The following EVC2 variants were observed in gnomAD, a reference collection of about 807,000 sequenced individuals.
EVC2 encodes the protein limbin.
A neutral mutation model predicts 149.3 loss-of-function variants in EVC2; 148 were observed. The ratio of observed to expected loss-of-function variants is 0.99; its 90% confidence interval spans 0.87 to 1.14. The LOEUF (loss-of-function observed/expected upper bound fraction) is 1.14. EVC2 is among the 50% of genes most tolerant of loss of function. EVC2 has a pLI of 0.00. For synonymous variants in EVC2, 776 were observed against 649.9 expected, an observed-to-expected ratio of 1.19 and a Z score of -2.95; for missense variants, 1,854 against 1,627.3, an observed-to-expected ratio of 1.14 and a Z score of -2.40.
intron 16 of EVC2, among the ~76,000 whole-genome samples, chr4:5,612,565 T>C (rs1447760895): frequency 3.3e-5 from 5 of 152,088 alleles, no homozygotes. Flanking sequence ...GTAGGGAGCC[T>C]GCTGCATGTA....
At chr4:5,665,678 A>G in intron 7 of EVC2, 29 bp from the exon 8 acceptor site, 1 of 1,612,558 alleles carries the variant, frequency 6.2e-7, no homozygotes, top group Non-Finnish European at 8.5e-7. Flanking sequence ...AGCAGGATTC[A>G]TGTGTGGTCA....
At chr4:5,577,375 C>T (rs761043854) in intron 17 of EVC2, among the ~76,000 whole-genome samples, 1 of 152,106 alleles carries the variant, frequency 6.6e-6, no homozygotes, top group East Asian at 1.9e-4. Flanking sequence ...GGGTTGTGGG[C>T]GGAGGCAGGA....
In EVC2 at chr4:5,640,160, T is replaced by C. The variant is rs1341925827; in HGVS notation, c.1470+354A>G. On this transcript the variant is annotated intron_variant, in intron 10 of 21. Coordinates refer to ENST00000344408, the MANE Select transcript of EVC2 (RefSeq NM_147127.5). The surrounding 1 kb of genome is among the most constrained non-coding windows in gnomAD (Gnocchi z 4.6). ...ATTGTTGGATGGGTGATGGGTGGCA[T>C]GGATGGGAGGGTGGATAAATGAGTA... 6.6e-6 allele frequency among the ~76,000 whole-genome samples: 1 copy of C among 151,644 alleles called. No homozygotes were observed. The highest frequency in any genetic ancestry group is 1.5e-5 in the Non-Finnish European group (1 of 67,882).
chr4:5,596,145 C>T (rs1298799487), intron 16 of EVC2, among the ~76,000 whole-genome samples: 3 of 152,166 alleles, frequency 2.0e-5, no homozygotes, highest in African/African-American at 7.2e-5. Flanking sequence ...CCACTGTCAA[C>T]ATTAGACATA....
chr4:5,683,380 GCT>G (rs1406562102), intron 6 of EVC2, among the ~76,000 whole-genome samples: 1 of 152,174 alleles, frequency 6.6e-6, no homozygotes, highest in Non-Finnish European at 1.5e-5. Flanking sequence ...CTTGTCTTCA[GCT>G]CTTTGTGAAA....
At chr4:5,680,898 CCA>C (rs34280523) in intron 7 of EVC2, among the ~76,000 whole-genome samples, 20,921 of 152,160 alleles carry the variant, frequency 0.14, 1,707 homozygotes, top group African/African-American at 0.23. Context: ...GAGACCCGCC[CCA>C]CAGACTGCAG....
chr4:5,671,580 C>T lies in EVC2; in HGVS notation c.871-5931G>A, dbSNP rs1248879562. Among the ~76,000 whole-genome samples the T allele has an allele frequency of 4.6e-5, 7 of 152,196 alleles. No individual in the cohort carries two copies. The South Asian group carries it at 1.5e-3, about 32-fold the overall frequency. ...AGGCTGGAGTGCAATGGCACAATCT[C>T]GGCTCACTGCAACCTCCACCTCCTG... On this transcript the variant is annotated intron_variant, in intron 7 of 21. Coordinates refer to ENST00000344408, the MANE Select transcript of EVC2 (RefSeq NM_147127.5).
Position 5,622,831 on chromosome 4 carries a change from A to T in EVC2, c.2207T>A (p.Leu736His). 6.2e-7 allele frequency: 1 copy of T among 1,613,966 alleles called. No individual in the cohort carries two copies. The highest frequency in any genetic ancestry group is 1.1e-5 in the South Asian group (1 of 91,058). Residue 736 changes from leucine (L) to histidine (H), a missense_variant, in exon 14 of 22, where the codon CTC becomes CAC. By Grantham distance (99) the Leu-to-His change is moderately conservative (BLOSUM62 -3). Coordinates refer to ENST00000344408, the MANE Select transcript of EVC2 (RefSeq NM_147127.5). The surrounding 1 kb of genome is among the most constrained non-coding windows in gnomAD (Gnocchi z 5.8). The stretch of plus-strand genomic sequence containing the variant: ...AAACAGCGAAAGGGTCAGGGTCCTG[A>T]GATCGTCCAGGGCGGCCTGGTCCAG... ...ERLDQAALDD[L>H]RTLTLSLFEK... is the part of the protein sequence containing the mutation.
At chr4:5,634,271 C>G (rs760570726) in intron 10 of EVC2, among the ~76,000 whole-genome samples, 2 of 152,208 alleles carry the variant, frequency 1.3e-5, no homozygotes, top group African/African-American at 2.4e-5. Context: ...TCACAGCTGA[C>G]TTGATCTAAA....
At chr4:5,699,705 C>T (rs1271932270) in intron 1 of EVC2, among the ~76,000 whole-genome samples, 1 of 151,756 alleles carries the variant, frequency 6.6e-6, no homozygotes, top group African/African-American at 2.4e-5. Flanking sequence ...CCTATACTCC[C>T]AGCTACTTGG....
At chr4:5,694,025 G>C (rs893186845) in intron 3 of EVC2, among the ~76,000 whole-genome samples, 3 of 152,216 alleles carry the variant, frequency 2.0e-5, no homozygotes, top group African/African-American at 4.8e-5. Context: ...TATGGGCACA[G>C]TCATCTTTAA....
intron 16 of EVC2, among the ~76,000 whole-genome samples, chr4:5,585,179 C>T (rs766186494): frequency 1.4e-4 from 21 of 152,084 alleles, no homozygotes; most frequent in Non-Finnish European, 2.8e-4. Context: ...AGCATGGGAT[C>T]CAAGGAGCTC....
chr4:5,577,035 C>T (rs190194417), intron 17 of EVC2, among the ~76,000 whole-genome samples: 3 of 152,356 alleles, frequency 2.0e-5, no homozygotes, highest in Non-Finnish European at 4.4e-5. Flanking sequence ...CTAACACCAC[C>T]AGTACCATCA....
intron 9 of EVC2, among the ~76,000 whole-genome samples, chr4:5,650,617 A>G (rs1353203940): frequency 6.9e-5 from 4 of 58,058 alleles, no homozygotes; most frequent in East Asian, 1.3e-3. Flanking sequence ...ATATATATAT[A>G]TATATATATA....
At chr4:5,700,622 T>G (rs992633834) in intron 1 of EVC2, among the ~76,000 whole-genome samples, 1 of 152,126 alleles carries the variant, frequency 6.6e-6, no homozygotes, top group Non-Finnish European at 1.5e-5. Flanking sequence ...CCCAGGGCAG[T>G]CTCGCTGGTT....
At chr4:5,693,996 G>A (rs999926151) in intron 3 of EVC2, among the ~76,000 whole-genome samples, 4 of 152,198 alleles carry the variant, frequency 2.6e-5, no homozygotes, top group Non-Finnish European at 4.4e-5. Flanking sequence ...GTAAATGCTT[G>A]TGAAATGTTC....
intron 7 of EVC2, among the ~76,000 whole-genome samples, chr4:5,681,018 A>T (rs1194881940): frequency 6.6e-6 from 1 of 152,188 alleles, no homozygotes. Flanking sequence ...CGGGCTGTGG[A>T]GCCTCAGCCT....
At chr4:5,602,699 G>A (rs1003602661) in intron 16 of EVC2, among the ~76,000 whole-genome samples, 1 of 152,168 alleles carries the variant, frequency 6.6e-6, no homozygotes, top group African/African-American at 2.4e-5. Context: ...TATAATCATA[G>A]AAGCCATAAA....
intron 16 of EVC2, among the ~76,000 whole-genome samples, chr4:5,608,712 T>C (rs1714591366): frequency 6.6e-6 from 1 of 152,070 alleles, no homozygotes; most frequent in African/African-American, 2.4e-5. Context: ...TTTTTTGTAT[T>C]TTTAGTAGAG....
Sources: allele counts gnomAD v4.1 joint callset (sites outside exome capture counted in the v4.1 genomes callset), GRCh38; gene constraint gnomAD v4.1.1; non-coding constraint Gnocchi (gnomAD v3.1); transcripts MANE v1.5; gene names NCBI Gene and HGNC (gene_info 2026-07-23, HGNC 2026-07-21).